Variants in EHBP1 observed in about 807,000 individuals in gnomAD.
EHBP1 encodes EH domain binding protein 1.
EHBP1 carries 55 observed loss-of-function variants against 144.0 expected under a neutral mutation model. That is an observed-to-expected ratio of 0.38 (90% CI 0.31 to 0.48). The LOEUF (loss-of-function observed/expected upper bound fraction) is 0.48, where lower values mean the gene tolerates loss of function less well. Among genes scored for constraint, EHBP1 ranks in the 20% least tolerant of loss-of-function variants. EHBP1 has a pLI of 0.98. For synonymous variants in EHBP1, 469 were observed against 472.7 expected, an observed-to-expected ratio of 0.99 and a Z score of 0.10; for missense variants, 1,200 against 1,364.2, an observed-to-expected ratio of 0.88 and a Z score of 1.90.
intron 15 of EHBP1, among the ~76,000 whole-genome samples, chr2:62,980,777 G>A (rs1035478592): frequency 6.6e-6 from 1 of 151,050 alleles, no homozygotes; most frequent in Non-Finnish European, 1.5e-5. Flanking sequence ...CCAGGAGTTC[G>A]AGATCAGCCT....
intron 2 of EHBP1, among the ~76,000 whole-genome samples, chr2:62,740,502 T>C (rs187222550): frequency 6.6e-6 from 1 of 152,286 alleles, no homozygotes; most frequent in African/African-American, 2.4e-5. Flanking sequence ...AAAGTAAAGT[T>C]AGAGTATTTC....
At chr2:63,037,455 G>A in intron 19 of EHBP1, 80 bp from the exon 20 acceptor site, 1 of 907,178 alleles carries the variant, frequency 1.1e-6, no homozygotes, top group East Asian at 2.5e-5. Context: ...TGTTTTCTAT[G>A]TTTAAAAAAT....
intron 7 of EHBP1, among the ~76,000 whole-genome samples, chr2:62,856,083 C>T (rs1012961007): frequency 2.0e-5 from 3 of 152,192 alleles, no homozygotes; most frequent in Non-Finnish European, 4.4e-5. Context: ...CAGTAAAGCT[C>T]CTCTTTATCT....
In EHBP1 at chr2:62,820,014, C is replaced by T. The variant is rs1485468289; in HGVS notation, c.313-6073C>T. Among the ~76,000 whole-genome samples, 4 of 151,572 alleles carry T rather than the reference C, an allele frequency of 2.6e-5. No homozygotes were observed. The East Asian group carries it at 7.8e-4, about 29-fold the overall frequency. On this transcript the variant is annotated intron_variant, in intron 5 of 22. Transcript: ENST00000431489. ...TCACCTGAGGTCAGGAGTTTGAGAC[C>T]AGCCTGGCCAACATGGTGAAATCCC... is the stretch of plus-strand genomic sequence containing the variant.
At chr2:62,878,551 G>A (rs578090857) in intron 10 of EHBP1, among the ~76,000 whole-genome samples, 24 of 152,256 alleles carry the variant, frequency 1.6e-4, no homozygotes, top group South Asian at 4.1e-4. Context: ...GATGAATGTA[G>A]ATGCAAAAAT....
chr2:62,913,716 G>GA (rs2054393692), intron 10 of EHBP1, among the ~76,000 whole-genome samples: 1 of 152,144 alleles, frequency 6.6e-6, no homozygotes, highest in Non-Finnish European at 1.5e-5. Flanking sequence ...ATCCAAAGTG[G>GA]AAAAATGTAT....
chr2:62,953,500 G>A (rs971934686), intron 13 of EHBP1, among the ~76,000 whole-genome samples: 2 of 151,706 alleles, frequency 1.3e-5, no homozygotes, highest in African/African-American at 4.8e-5. Flanking sequence ...AGTGAGCTGT[G>A]ATCATGCCAT....
chr2:62,858,845 C>T (rs887124259), intron 7 of EHBP1, among the ~76,000 whole-genome samples: 1 of 151,940 alleles, frequency 6.6e-6, no homozygotes, highest in Non-Finnish European at 1.5e-5. Context: ...TCAGTTATTC[C>T]TGTTTGGGAG....
chr2:62,688,192 A>G (rs1325825048), intron 1 of EHBP1, among the ~76,000 whole-genome samples: 2 of 152,222 alleles, frequency 1.3e-5, no homozygotes, highest in African/African-American at 2.4e-5. Context: ...GATATTTCCA[A>G]TAGCATGAGA....
chr2:62,683,715 C>T lies in EHBP1; in HGVS notation c.-296+9632C>T, dbSNP rs184044287. The stretch of plus-strand genomic sequence containing the variant: ...AAGTAAGGTCAGCACCTAAACTACA[C>T]AGAAAGTGGAAAAACTAGGAAAGAA... On this transcript the variant is annotated intron_variant, in intron 1 of 22. Coordinates refer to the EHBP1 transcript ENST00000405015. 2.2e-3 allele frequency among the ~76,000 whole-genome samples: 298 copies of T among 136,512 alleles called. 1 individual carries two copies. The Middle Eastern group carries it at 0.023, about 11-fold the overall frequency. 89.6% of individuals were successfully genotyped at this position (136,512 alleles called of 152,430 possible).
At chr2:62,714,202 A>G (rs1236365834) in intron 2 of EHBP1, among the ~76,000 whole-genome samples, 3 of 152,242 alleles carry the variant, frequency 2.0e-5, no homozygotes, top group African/African-American at 2.4e-5. Flanking sequence ...CCTGGGTAAC[A>G]TGGTGAGACC....
chr2:62,993,724 CTATATATAGTATA>C (rs1163288234), intron 17 of EHBP1, 56 bp downstream of exon 17: 108 of 919,210 alleles, frequency 1.2e-4, no homozygotes, highest in African/African-American at 4.8e-4. Context: ...ATATAGATAT[CTATATATAGTATA>C]TATATATAGT....
chr2:62,906,152 CT>C (rs769180078), intron 10 of EHBP1, among the ~76,000 whole-genome samples: 3,393 of 134,928 alleles, frequency 0.025, 72 homozygotes, highest in African/African-American at 0.064. Flanking sequence ...GTTATTTTGT[CT>C]TTTTTTTTTT....
chr2:62,861,106 A>G, intron 8 of EHBP1, among the ~76,000 whole-genome samples: 1 of 124,460 alleles, frequency 8.0e-6, no homozygotes, highest in Non-Finnish European at 1.7e-5. Context: ...CTCCTCTTAT[A>G]TTTATGTGCT....
At chr2:62,851,813 A>G (rs551444518) in intron 7 of EHBP1, among the ~76,000 whole-genome samples, 1 of 151,734 alleles carries the variant, frequency 6.6e-6, no homozygotes, top group Non-Finnish European at 1.5e-5. Flanking sequence ...TGAAGTAGGG[A>G]TTTACTTAAG....
At chr2:62,681,697 A>T (rs527464931) in intron 1 of EHBP1, among the ~76,000 whole-genome samples, 1 of 152,220 alleles carries the variant, frequency 6.6e-6, no homozygotes, top group African/African-American at 2.4e-5. Flanking sequence ...CCTGGAAGGA[A>T]ATAATGTAGC....
chr2:62,870,639 C>T (rs893490758), intron 9 of EHBP1, among the ~76,000 whole-genome samples: 1 of 146,198 alleles, frequency 6.8e-6, no homozygotes, highest in African/African-American at 2.6e-5. Flanking sequence ...TCGCTTGAAT[C>T]TGGGAGGTGG....
intron 1 of EHBP1, among the ~76,000 whole-genome samples, chr2:62,698,299 C>G (rs1471556479): frequency 2.0e-5 from 3 of 152,220 alleles, no homozygotes; most frequent in Non-Finnish European, 4.4e-5. Context: ...GTATAACACT[C>G]TCCTTTTCCA....
At chr2:62,732,985 G>T (rs560602222) in intron 2 of EHBP1, among the ~76,000 whole-genome samples, 1 of 152,106 alleles carries the variant, frequency 6.6e-6, no homozygotes, top group East Asian at 1.9e-4. Flanking sequence ...GTTTCCTTTT[G>T]ATTTTTTAAG....
Sources: allele counts gnomAD v4.1 joint callset (sites outside exome capture counted in the v4.1 genomes callset), GRCh38; gene constraint gnomAD v4.1.1; transcripts MANE v1.5; gene names NCBI Gene and HGNC (gene_info 2026-07-23, HGNC 2026-07-21).